GABRG1: variants seen among roughly 807,000 people sequenced by gnomAD.
GABRG1 encodes the protein gamma-aminobutyric acid receptor subunit gamma-1.
Under a neutral mutation model 49.8 loss-of-function variants are expected in GABRG1, and 49 were observed. That is an observed-to-expected ratio of 0.98 (90% confidence interval 0.78 to 1.25). The LOEUF (loss-of-function observed/expected upper bound fraction) is 1.25, where lower values mean the gene tolerates loss of function less well. Among genes scored for constraint, GABRG1 ranks in the 50% most tolerant of loss-of-function variants. The pLI is 0.00. For missense variants in GABRG1, 552 were observed against 552.3 expected (o/e 1.00, Z 0.01); for synonymous variants, 232 against 185.1 (o/e 1.25, Z -2.06).
intron 7 of GABRG1, among the ~76,000 whole-genome samples, chr4:46,052,274 A>T (rs1039650240): frequency 6.7e-6 from 1 of 149,114 alleles, no homozygotes; most frequent in Non-Finnish European, 1.5e-5. Context: ...CATAAGCAAC[A>T]GATATTCTTC....
chr4:46,057,194 C>T lies in GABRG1; in HGVS notation c.916+1023G>A, dbSNP rs1369291157. 2.6e-5 allele frequency among the ~76,000 whole-genome samples: 4 copies of T among 152,072 alleles called. No individual in the cohort carries two copies. The East Asian group carries it at 7.7e-4, about 29-fold the overall frequency. The stretch of plus-strand genomic sequence containing the variant: ...TTGAGATACGAATGGATTTTGTCCA[C>T]TAGCTATGTCAATATCCCTGTTTAG... On this transcript the variant is annotated intron_variant, in intron 7 of 8. Transcript: ENST00000295452.
chr4:46,119,482 T>C (rs966897019), intron 1 of GABRG1, among the ~76,000 whole-genome samples: 3 of 151,558 alleles, frequency 2.0e-5, no homozygotes, highest in South Asian at 2.1e-4. Context: ...CCCCTGTTTT[T>C]CCATCTGTAA....
intron 1 of GABRG1, among the ~76,000 whole-genome samples, chr4:46,120,163 C>T (rs1247533954): frequency 6.6e-6 from 1 of 151,722 alleles, no homozygotes; most frequent in Non-Finnish European, 1.5e-5. Flanking sequence ...AGGATTCTCA[C>T]TTGAAAGCCT....
chr4:46,045,554 A>G (rs1376616799), intron 8 of GABRG1, among the ~76,000 whole-genome samples: 2 of 151,912 alleles, frequency 1.3e-5, no homozygotes, highest in Admixed American at 6.6e-5. Context: ...ACGACTCCTT[A>G]AGATTTTTTT....
At chr4:46,047,914 A>C (rs1342009941) in intron 8 of GABRG1, among the ~76,000 whole-genome samples, 1 of 151,930 alleles carries the variant, frequency 6.6e-6, no homozygotes, top group East Asian at 1.9e-4. Flanking sequence ...TTTTGTCTCC[A>C]TAATGTCTCG....
chr4:46,064,292 A>G, intron 5 of GABRG1, 149 bp downstream of exon 5: 1 of 466,918 alleles, frequency 2.1e-6, no homozygotes, highest in Non-Finnish European at 3.8e-6. Flanking sequence ...AGCAAGAAGC[A>G]AATATATTAT....
intron 1 of GABRG1, 26 bp downstream of exon 1, chr4:46,123,784 A>G: frequency 3.9e-6 from 6 of 1,522,918 alleles, no homozygotes; most frequent in Non-Finnish European, 5.5e-6. Context: ...AGCAAAGAAT[A>G]GTTTTAAACC....
chr4:46,051,342 G>A (rs1480417850), intron 8 of GABRG1, 82 bp downstream of exon 8: 56 of 1,113,928 alleles, frequency 5.0e-5, no homozygotes, highest in Non-Finnish European at 6.5e-5. Context: ...CCCTATTTCT[G>A]TAAACAAACA....
At chr4:46,123,202 A>T (rs1264635225) in intron 1 of GABRG1, among the ~76,000 whole-genome samples, 5 of 120,242 alleles carry the variant, frequency 4.2e-5, no homozygotes, top group African/African-American at 3.2e-4. Flanking sequence ...GCCAATTTTA[A>T]AAAAAAACAC....
At chr4:46,115,128 T>A (rs894613065) in intron 1 of GABRG1, among the ~76,000 whole-genome samples, 1 of 150,794 alleles carries the variant, frequency 6.6e-6, no homozygotes, top group African/African-American at 2.4e-5. Context: ...ACATGAGAAT[T>A]TATAAGATAT....
intron 7 of GABRG1, among the ~76,000 whole-genome samples, chr4:46,053,708 C>T (rs929382015): frequency 2.0e-5 from 3 of 151,916 alleles, no homozygotes; most frequent in Non-Finnish European, 4.4e-5. Context: ...TTATCCACTA[C>T]TGCAATAAAT....
chr4:46,095,285 G>C (rs1445911172), intron 2 of GABRG1, among the ~76,000 whole-genome samples: 2 of 151,654 alleles, frequency 1.3e-5, no homozygotes, highest in African/African-American at 4.8e-5. Context: ...CATACCTATA[G>C]TGGGAATTCG....
intron 5 of GABRG1, among the ~76,000 whole-genome samples, chr4:46,060,231 C>G (rs1278273312): frequency 6.7e-6 from 1 of 150,126 alleles, no homozygotes; most frequent in Non-Finnish European, 1.5e-5. Context: ...TCAGGGGCAA[C>G]CTCCCTTTTA....
intron 2 of GABRG1, 142 bp from the exon 3 acceptor site, chr4:46,084,195 T>C (rs752133121): frequency 6.7e-6 from 4 of 592,808 alleles, no homozygotes; most frequent in African/African-American, 3.9e-5. Context: ...AATGCAGAAA[T>C]GTAGCCTTTA....
intron 2 of GABRG1, among the ~76,000 whole-genome samples, chr4:46,091,824 G>A (rs1451094673): frequency 6.6e-6 from 1 of 152,010 alleles, no homozygotes; most frequent in African/African-American, 2.4e-5. Flanking sequence ...GATTCAAGAA[G>A]CTCTGTAAAC....
chr4:46,047,736 G>A (rs900522562), intron 8 of GABRG1, among the ~76,000 whole-genome samples: 1 of 151,954 alleles, frequency 6.6e-6, no homozygotes, highest in Admixed American at 6.6e-5. Context: ...GAAAAAGCAT[G>A]AGAAATTATT....
At chr4:46,047,168 AT>A (rs1170529527) in intron 8 of GABRG1, among the ~76,000 whole-genome samples, 1 of 152,018 alleles carries the variant, frequency 6.6e-6, no homozygotes, top group Non-Finnish European at 1.5e-5. Context: ...TGAATATTAT[AT>A]TTTGTTTAAT....
intron 5 of GABRG1, among the ~76,000 whole-genome samples, chr4:46,062,192 C>A (rs1276012199): frequency 2.0e-5 from 3 of 151,956 alleles, no homozygotes; most frequent in African/African-American, 7.3e-5. Context: ...CATGTCCCTA[C>A]AAAGGACATG....
At chr4:46,051,395 T>C (rs772071539) in intron 8 of GABRG1, 29 bp downstream of exon 8, 1 of 1,513,302 alleles carries the variant, frequency 6.6e-7, no homozygotes, top group African/African-American at 1.4e-5. Flanking sequence ...TTGAGGTTTA[T>C]AAAATAGAAA....
Sources: gnomAD v4.1 joint callset for allele counts (sites outside exome capture counted in the v4.1 genomes callset) on GRCh38, gnomAD v4.1.1 for gene constraint, MANE v1.5 for transcripts, NCBI Gene and HGNC (gene_info 2026-07-23, HGNC 2026-07-21) for gene names.